SLFN12: variants seen among roughly 807,000 people sequenced by gnomAD.
The protein encoded by SLFN12 is ribonuclease SLFN12.
A neutral mutation model predicts 29.1 loss-of-function variants in SLFN12; 25 were observed. That is an observed-to-expected ratio of 0.86 (90% CI 0.63 to 1.20). The LOEUF is 1.20. SLFN12 is among the 50% of genes most tolerant of loss of function. The probability of loss-of-function intolerance (pLI) is 0.00; values close to 1 mark genes in which losing one functional copy is unlikely to be tolerated. For missense variants in SLFN12, 660 were observed against 666.2 expected (o/e 0.99, Z 0.10); for synonymous variants, 257 against 238.7 (o/e 1.08, Z -0.71).
At chr17:35,420,427 C>A (rs755031062) in intron 2 of SLFN12, 46 bp from the exon 3 acceptor site, 3 of 1,220,932 alleles carry the variant, frequency 2.5e-6, no homozygotes, top group South Asian at 2.5e-5. Flanking sequence ...GAAGGGAGAC[C>A]CCAACTAACT....
rs1309818247 is a variant in SLFN12, at chr17:35,411,829, A to G, written c.1246T>C (p.Ser416Pro). 15 of 1,613,924 alleles carry G rather than the reference A, an allele frequency of 9.3e-6. No homozygotes were observed. Among genetic ancestry groups the G allele is most frequent in the African/African-American group, 1.3e-5 (1 of 74,924 alleles). The change falls in exon 4 of 4, where the codon TCT becomes CCT. Residue 416 changes from serine (S) to proline (P), a missense_variant. Transcript: ENST00000304905. ...AAGATCAGTGAGCCCTTTCTGACAG[A>G]GTCCATTTCTTCACATATTAATTGC... is the stretch of plus-strand genomic sequence containing the variant. ...LKQLICEEMD[S>P]VRKGSLIFSR...
intron 3 of SLFN12, among the ~76,000 whole-genome samples, chr17:35,413,068 T>TTA (rs1555610003): frequency 1.8e-5 from 2 of 113,048 alleles, no homozygotes; most frequent in African/African-American, 6.9e-5. Flanking sequence ...TCAAACTCAA[T>TTA]AAAAAAAAAA....
intron 3 of SLFN12, among the ~76,000 whole-genome samples, chr17:35,416,327 A>T (rs1488465464): frequency 6.6e-6 from 1 of 152,112 alleles, no homozygotes; most frequent in East Asian, 1.9e-4. Flanking sequence ...TAAGAATGAT[A>T]CAAAGGACTT....
rs925401888 is a variant in SLFN12 at position 35,430,263 on chromosome 17, T to C, written c.-41+1925A>G. 2.0e-5 allele frequency among the ~76,000 whole-genome samples: 3 copies of C among 152,054 alleles called. No individual in the cohort carries two copies. The South Asian group carries it at 6.2e-4, about 32-fold the overall frequency. ...CTGTTTGCAGGAGAAAAACAAAAAC[T>C]TGGTCTGTTCTAGGATCTATGTGTT... On this transcript the variant is annotated intron_variant, in intron 1 of 3. Transcript: ENST00000304905.
chr17:35,424,407 A>T (rs186833828), intron 1 of SLFN12, among the ~76,000 whole-genome samples: 1 of 150,862 alleles, frequency 6.6e-6, no homozygotes, highest in African/African-American at 2.5e-5. Context: ...ACTTAAGTTT[A>T]ACTTTTTTAA....
chr17:35,415,253 CA>C (rs1911248797), intron 3 of SLFN12, among the ~76,000 whole-genome samples: 1 of 151,878 alleles, frequency 6.6e-6, no homozygotes, highest in Non-Finnish European at 1.5e-5. Flanking sequence ...CAAGCAAAAA[CA>C]AAGTGGGGAA....
At chr17:35,420,804 C>T (rs1911581723) in intron 2 of SLFN12, 1 of 154,250 alleles carries the variant, frequency 6.5e-6, no homozygotes, top group Non-Finnish European at 1.4e-5. Context: ...GCTTTCTTTT[C>T]CCAAACGCAG....
In SLFN12 at chr17:35,411,623, A is replaced by G. The variant is rs755362661; in HGVS notation, c.1452T>C (p.Ile484=). The change falls in exon 4 of 4, where the codon ATT becomes ATC. Residue 484 remains isoleucine (I), a synonymous_variant. Transcript: ENST00000304905. ...CACACACTTTTTTAGTGTAACCACC[A>G]ATTTTTGCCAGCTTCTGCTTTAAGG... The part of the protein sequence containing the change: ...ALTLKQKLAK[I]GGYTKKVCVM... 6.2e-7 allele frequency: 1 copy of G among 1,614,066 alleles called. No individual in the cohort carries two copies. Among genetic ancestry groups the G allele is most frequent in the Non-Finnish European group, 8.5e-7 (1 of 1,179,998 alleles).
rs1038493430 is a variant in SLFN12, at chr17:35,432,218, A to G, written c.-71T>C. 1.3e-5 allele frequency: 2 copies of G among 152,240 alleles called. No homozygotes were observed. The highest frequency in any genetic ancestry group is 6.5e-5 in the Admixed American group (1 of 15,286). The allele number at this position is 152,240 out of a possible 1,614,324, so 9.4% of individuals were successfully genotyped here. A position where few individuals can be genotyped will look rare whatever the true frequency, so the allele number is the denominator to read the frequency against. On this transcript the variant is annotated 5_prime_UTR_variant, in exon 1 of 4. Transcript: ENST00000304905. ...GGTTGGCTTGCCAAAATATGTTACC[A>G]GTGAAGAGTGTCCAGGTTCTTGGCG... is the stretch of plus-strand genomic sequence containing the variant.
chr17:35,427,610 T>C (rs780859035), intron 1 of SLFN12, among the ~76,000 whole-genome samples: 4 of 152,026 alleles, frequency 2.6e-5, no homozygotes, highest in Non-Finnish European at 4.4e-5. Context: ...AATATACTAT[T>C]TGAATCTTGC....
intron 1 of SLFN12, among the ~76,000 whole-genome samples, chr17:35,425,621 T>A (rs1311587155): frequency 6.6e-6 from 1 of 151,966 alleles, no homozygotes; most frequent in Non-Finnish European, 1.5e-5. Context: ...TAAGGCTAAT[T>A]AGTATTTTAT....
chr17:35,422,069 A>G lies in SLFN12; in HGVS notation c.960T>C (p.Asp320=), dbSNP rs1911691238. The change falls in exon 2 of 4, where the codon GAT becomes GAC. Residue 320 remains aspartate (D), a synonymous_variant. Coordinates refer to ENST00000304905, the MANE Select transcript of SLFN12 (RefSeq NM_018042.5). ...CACGGTTATCTTTCACATGCCAGGA[A>G]TCAGGCTCTTTAGCAAACACTGCAC... is the stretch of plus-strand genomic sequence containing the variant. ...FCCAVFAKEP[D]SWHVKDNRVM... The G allele has an allele frequency of 1.2e-6, 2 of 1,613,976 alleles. No individual in the cohort carries two copies. The highest frequency in any genetic ancestry group is 1.1e-5 in the South Asian group (1 of 91,090).
chr17:35,421,509 A>G (rs1305382474), intron 2 of SLFN12, among the ~76,000 whole-genome samples: 1 of 149,068 alleles, frequency 6.7e-6, no homozygotes, highest in East Asian at 2.0e-4. Context: ...TTCTAAGGGT[A>G]TAGAAGAAAA....
At chr17:35,425,349 C>G (rs144333207) in intron 1 of SLFN12, among the ~76,000 whole-genome samples, 1 of 152,118 alleles carries the variant, frequency 6.6e-6, no homozygotes, top group East Asian at 1.9e-4. Flanking sequence ...CTATAGTAAT[C>G]ATATTGTACA....
chr17:35,421,146 T>C (rs1911610880), intron 2 of SLFN12, among the ~76,000 whole-genome samples: 3 of 150,910 alleles, frequency 2.0e-5, no homozygotes, highest in Admixed American at 6.6e-5. Flanking sequence ...GAGGCGGAGG[T>C]TGCAGTAAGC....
chr17:35,430,865 T>C (rs1251080474), intron 1 of SLFN12, among the ~76,000 whole-genome samples: 1 of 152,166 alleles, frequency 6.6e-6, no homozygotes, highest in Non-Finnish European at 1.5e-5. Flanking sequence ...TGCCAGCAGC[T>C]GCACAGATAC....
intron 1 of SLFN12, among the ~76,000 whole-genome samples, chr17:35,423,467 C>T (rs1434034390): frequency 6.6e-6 from 1 of 151,866 alleles, no homozygotes. Context: ...TTAATAATTT[C>T]AGCTTTTACC....
At chr17:35,417,724 T>C (rs1413060943) in intron 3 of SLFN12, among the ~76,000 whole-genome samples, 2 of 152,096 alleles carry the variant, frequency 1.3e-5, no homozygotes, top group Admixed American at 1.3e-4. Flanking sequence ...TTATACAAAA[T>C]GTAAATAATC....
chr17:35,425,370 T>TGTTCAA (rs1911943783), intron 1 of SLFN12, among the ~76,000 whole-genome samples: 1 of 152,096 alleles, frequency 6.6e-6, no homozygotes, highest in Admixed American at 6.6e-5. Context: ...ATAGAGCTCT[T>TGTTCAA]GAACTTATTC....
Sources: allele counts gnomAD v4.1 joint callset (sites outside exome capture counted in the v4.1 genomes callset), GRCh38; gene constraint gnomAD v4.1.1; transcripts MANE v1.5; gene names NCBI Gene and HGNC (gene_info 2026-07-23, HGNC 2026-07-21).